Variants in MXRA5 observed in about 807,000 individuals in gnomAD.
MXRA5 encodes matrix remodeling associated 5.
Under a neutral mutation model 112.5 loss-of-function variants are expected in MXRA5, and 41 were observed. The ratio of observed to expected loss-of-function variants is 0.36; its 90% CI spans 0.28 to 0.47. The LOEUF is 0.47. MXRA5 is among the 20% of genes least tolerant of loss of function. The probability of loss-of-function intolerance (pLI) is 0.99; values close to 1 mark genes in which losing one functional copy is unlikely to be tolerated. For synonymous variants in MXRA5, 862 were observed against 900.8 expected, an observed-to-expected ratio of 0.96 and a Z score of 0.77; for missense variants, 2,150 against 2,251.0, an observed-to-expected ratio of 0.96 and a Z score of 0.91.
chrX:3,335,965 G>C (rs1161336977), intron 2 of MXRA5, among the ~76,000 whole-genome samples: 1 of 112,391 alleles, frequency 8.9e-6, no homozygotes, highest in Non-Finnish European at 1.9e-5. Flanking sequence ...TACCGGACCA[G>C]TTAGGAACCA....
intron 2 of MXRA5, among the ~76,000 whole-genome samples, chrX:3,333,946 TG>T (rs1357630772): frequency 5.4e-5 from 6 of 111,153 alleles, no homozygotes; most frequent in African/African-American, 1.6e-4. Context: ...TGTGTAGACG[TG>T]AGATCCTTAG....
At chrX:3,339,903 C>A (rs1204183517) in intron 2 of MXRA5, among the ~76,000 whole-genome samples, 1 of 112,117 alleles carries the variant, frequency 8.9e-6, no homozygotes, top group Non-Finnish European at 1.9e-5. Flanking sequence ...GTATAACCAA[C>A]TCTGTGAAAT....
rs1920967410 is a variant in MXRA5 at position 3,309,731 on chromosome X, G to A, written c.8472C>T (p.Tyr2824=). The stretch of plus-strand genomic sequence containing the variant: ...AATCCACATTTCAGAAGACGTGGAT[G>A]TAAGTTGTTTTGGAGTCACTGCCGA... ...NILGSDSKTT[Y]IHVF is the part of the protein sequence containing the mutation. Residue 2824 remains tyrosine, a synonymous_variant, in exon 7 of 7, where the codon TAC becomes TAT. Transcript: ENST00000217939. 5 of 1,208,145 alleles carry A rather than the reference G, an allele frequency of 4.1e-6. No individual in the cohort carries two copies. The highest frequency in any genetic ancestry group is 5.6e-6 in the Non-Finnish European group (5 of 893,781).
In MXRA5 at chrX:3,316,918, C is replaced by T. The variant is rs189921823; in HGVS notation, c.6578+185G>A. On this transcript the variant is annotated intron_variant, in intron 6 of 6. Transcript: ENST00000217939. Reference sequence around the variant, plus strand: ...CTCGAACTCCTGACCTCAAGTGATCCGCCCGCCTCGTCCTCCCAAAGTGCT... The same window carrying T: ...CTCGAACTCCTGACCTCAAGTGATCTGCCCGCCTCGTCCTCCCAAAGTGCT... Among the ~76,000 whole-genome samples the T allele has an allele frequency of 8.7e-4, 97 of 111,311 alleles. No individual in the cohort carries two copies. The East Asian group carries it at 0.023, about 26-fold the overall frequency.
Position 3,323,065 on chromosome X carries a change from G to A in MXRA5, c.2620C>T (p.Leu874Phe). ...GTGCTTGTTACTTCAGGTTCAACAA[G>A]AATAACTCCATTGTGGTTGTGTTCT... ...GLEHNHNGVI[L>F]VEPEVTSTPL... The change falls in exon 5 of 7, where the codon CTT becomes TTT. Residue 874 changes from leucine (L) to phenylalanine (F), a missense_variant. This residue lies in a region of MXRA5 where 1,485 missense variants were observed against 1,471.6 expected (regional missense o/e 1.01). Transcript: ENST00000217939. 8.3e-7 allele frequency: 1 copy of A among 1,211,879 alleles called. No homozygotes were observed. The highest frequency in any genetic ancestry group is 1.1e-6 in the Non-Finnish European group (1 of 895,582).
rs1921253039 is a variant in MXRA5 at position 3,320,030 on chromosome X, A to G, written c.5655T>C (p.Val1885=). ...TACCTGTGGAAACCTTTGTCCAAGT[A>G]ACGAAAGGCTTTGGTTTTCCTGTTG... ...CEATGKPKPF[V]TWTKVSTGAL... Residue 1885 remains valine (V), a synonymous_variant, in exon 5 of 7, where the codon GTT becomes GTC. Coordinates refer to ENST00000217939, the MANE Select transcript of MXRA5 (RefSeq NM_015419.4). 2 of 1,200,160 alleles carry G rather than the reference A, an allele frequency of 1.7e-6. No homozygotes were observed. Among genetic ancestry groups the G allele is most frequent in the Non-Finnish European group, 2.2e-6 (2 of 890,185 alleles).
intron 2 of MXRA5, among the ~76,000 whole-genome samples, chrX:3,332,600 C>T (rs1258593103): frequency 1.8e-5 from 2 of 112,379 alleles, no homozygotes; most frequent in African/African-American, 6.5e-5. Context: ...GAATTAAATG[C>T]ATCCCACCTT....
At chrX:3,337,641 T>C (rs5939496) in intron 2 of MXRA5, among the ~76,000 whole-genome samples, 21,272 of 111,342 alleles carry the variant, frequency 0.19, 2,771 homozygotes, top group African/African-American at 0.46. Flanking sequence ...CTGAAGTATG[T>C]GTTAAAACAG....
chrX:3,338,958 T>TCAGATAGA (rs1555947051), intron 2 of MXRA5, among the ~76,000 whole-genome samples: 1 of 80,803 alleles, frequency 1.2e-5, no homozygotes, highest in Admixed American at 1.3e-4. Context: ...AGATAGATAG[T>TCAGATAGA]TAGATAGATA....
chrX:3,318,150 A>G (rs1921202945), intron 5 of MXRA5, 147 bp from the exon 6 acceptor site: 3 of 464,943 alleles, frequency 6.5e-6, no homozygotes, highest in African/African-American at 2.7e-5. Context: ...AGTGTTTTTA[A>G]AAGTTTTTTT....
chrX:3,346,090 C>A (rs753571406), intron 1 of MXRA5, among the ~76,000 whole-genome samples: 1 of 111,744 alleles, frequency 8.9e-6, no homozygotes, highest in Non-Finnish European at 1.9e-5. Flanking sequence ...TGGAAAGAGG[C>A]TCCTCAAGCG....
At chrX:3,314,332 C>T (rs1000283254) in intron 6 of MXRA5, among the ~76,000 whole-genome samples, 15 of 111,625 alleles carry the variant, frequency 1.3e-4, no homozygotes, top group Non-Finnish European at 2.1e-4. Flanking sequence ...GCAGTGTCCC[C>T]GGACTCCACC....
At chrX:3,331,603 T>A (rs1157449742) in intron 2 of MXRA5, among the ~76,000 whole-genome samples, 1 of 112,359 alleles carries the variant, frequency 8.9e-6, no homozygotes, top group Non-Finnish European at 1.9e-5. Flanking sequence ...ACACTCTTAT[T>A]TCCCATGGAC....
rs368425109 is a variant in MXRA5 at position 3,323,921 on chromosome X, G to A, written c.1764C>T (p.Gly588=). ...QPAEKDTVTI[G]KNPGESVTLP... is the part of the protein sequence containing the mutation. ...ATGTCACCGACTCCCCTGGGTTCTT[G>A]CCAATTGTCACTGTGTCTTTCTCGG... Residue 588 remains glycine, a synonymous_variant, in exon 5 of 7, where the codon GGC becomes GGT. Coordinates refer to ENST00000217939, the MANE Select transcript of MXRA5 (RefSeq NM_015419.4). 6 of 1,205,029 alleles carry A rather than the reference G, an allele frequency of 5.0e-6. No homozygotes were observed. The highest frequency in any genetic ancestry group is 6.7e-6 in the Non-Finnish European group (6 of 892,526).
At chrX:3,341,894 C>A (rs1180125307) in intron 2 of MXRA5, among the ~76,000 whole-genome samples, 1 of 105,757 alleles carries the variant, frequency 9.5e-6, no homozygotes, top group African/African-American at 3.4e-5. Flanking sequence ...CCATTTTGCA[C>A]ACCAAGGGTG....
intron 2 of MXRA5, among the ~76,000 whole-genome samples, chrX:3,340,546 T>C (rs1329282411): frequency 9.0e-6 from 1 of 111,493 alleles, no homozygotes; most frequent in Non-Finnish European, 1.9e-5. Context: ...CTTTTTAATA[T>C]TACAGAAAAC....
Position 3,323,962 on chromosome X carries a change from G to C in MXRA5, c.1723C>G (p.Pro575Ala). The C allele has an allele frequency of 2.5e-6, 3 of 1,205,471 alleles. No homozygotes were observed. The highest frequency in any genetic ancestry group is 3.4e-6 in the Non-Finnish European group (3 of 891,983). ...RMVYRVLVQS[P>A]STQPAEKDTV... is the part of the protein sequence containing the mutation. ...TCTTTCTCGGCTGGCTGAGTGGAGG[G>C]AGACTGCACAAGTACCCTATATACC... The change falls in exon 5 of 7, where the codon CCC (proline) becomes GCC (alanine). Residue 575 changes from proline to alanine, a missense_variant. By Grantham distance (27) the Pro-to-Ala change is conservative (BLOSUM62 -1). This residue lies in a region of MXRA5 where 1,485 missense variants were observed against 1,471.6 expected (regional missense o/e 1.01). Transcript: ENST00000217939.
In MXRA5 at chrX:3,317,470, C is replaced by T; in HGVS notation, c.6211G>A (p.Ala2071Thr). The T allele has an allele frequency of 8.4e-7, 1 of 1,195,184 alleles. No homozygotes were observed. The highest frequency in any genetic ancestry group is 3.0e-5 in the East Asian group (1 of 32,918). The change falls in exon 6 of 7, where the codon GCC (alanine) becomes ACC (threonine). Residue 2071 changes from alanine to threonine, a missense_variant. Physicochemically the swap from Ala to Thr is moderately conservative, Grantham distance 58. Around this residue, in one of 6 missense-constraint regions of MXRA5, gnomAD observed 1,485 missense variants for 1,471.6 expected, o/e 1.01. Coordinates refer to ENST00000217939, the MANE Select transcript of MXRA5 (RefSeq NM_015419.4). ...PGLSIHIHCTAKAAPLPSVRW... is the reference protein window; with the variant it reads ...PGLSIHIHCTTKAAPLPSVRW... ...ACGCTGGGCAGGGGCGCAGCCTTGG[C>T]AGTGCAGTGAATGTGAATGCTGAGC...
chrX:3,317,887 T>G lies in MXRA5; in HGVS notation c.5794A>C (p.Asn1932His). 8.3e-7 allele frequency: 1 copy of G among 1,211,490 alleles called. No individual in the cohort carries two copies. The highest frequency in any genetic ancestry group is 1.1e-6 in the Non-Finnish European group (1 of 895,475). Residue 1932 changes from asparagine to histidine, a missense_variant, in exon 6 of 7, where the codon AAC (asparagine) becomes CAC (histidine). Coordinates refer to ENST00000217939, the MANE Select transcript of MXRA5 (RefSeq NM_015419.4). ...ACCATCCTGTCCAGGCCGTGCAGGT[T>G]GCTGGCGGTGCACATATACTGGCCT... is the stretch of plus-strand genomic sequence containing the variant. ...DRGQYMCTAS[N>H]LHGLDRMVVL...
Sources: allele counts gnomAD v4.1 joint callset (sites outside exome capture counted in the v4.1 genomes callset), GRCh38; gene constraint gnomAD v4.1.1; regional missense constraint gnomAD v4.1.1; transcripts MANE v1.5; gene names NCBI Gene and HGNC (gene_info 2026-07-23, HGNC 2026-07-21).